The following COG5 variants were observed in gnomAD, a reference collection of about 807,000 sequenced individuals.
COG5 encodes component of oligomeric golgi complex 5, also known as conserved oligomeric Golgi complex subunit 5.
COG5 carries 86 observed loss-of-function variants against 110.4 expected under a neutral mutation model. That is an observed-to-expected ratio of 0.78 (90% CI 0.65 to 0.93). COG5 has a LOEUF of 0.93. COG5 is among the 40% of genes least tolerant of loss of function. COG5 has a pLI of 0.00. For synonymous variants in COG5, 360 were observed against 334.6 expected, an observed-to-expected ratio of 1.08 and a Z score of -0.83; for missense variants, 1,077 against 987.0, an observed-to-expected ratio of 1.09 and a Z score of -1.22.
chr7:107,325,463 C>A (rs1420635898), intron 10 of COG5, among the ~76,000 whole-genome samples: 2 of 152,148 alleles, frequency 1.3e-5, no homozygotes, highest in Non-Finnish European at 2.9e-5. Flanking sequence ...CCAGCCTTGC[C>A]AACATGGTGA....
chr7:107,325,346 T>C (rs1271798821), intron 10 of COG5, among the ~76,000 whole-genome samples: 1 of 152,160 alleles, frequency 6.6e-6, no homozygotes, highest in Non-Finnish European at 1.5e-5. Context: ...GCCAACTTCA[T>C]ATGGTTCAAA....
At chr7:107,375,919 T>C (rs1814601629) in intron 7 of COG5, among the ~76,000 whole-genome samples, 1 of 152,016 alleles carries the variant, frequency 6.6e-6, no homozygotes, top group Admixed American at 6.5e-5. Context: ...CTTTCATTCA[T>C]AAAGTTATCC....
intron 17 of COG5, among the ~76,000 whole-genome samples, chr7:107,246,614 G>A (rs1802079402): frequency 6.6e-6 from 1 of 152,050 alleles, no homozygotes; most frequent in African/African-American, 2.4e-5. Flanking sequence ...GCAATCACAT[G>A]AAAAAATGCT....
At chr7:107,442,092 A>G (rs1418892988) in intron 6 of COG5, among the ~76,000 whole-genome samples, 1 of 152,104 alleles carries the variant, frequency 6.6e-6, no homozygotes, top group South Asian at 2.1e-4. Flanking sequence ...GTCATCTTCA[A>G]TGTTGGAGGA....
At position 107,504,798 on chromosome 7, in the gene COG5, T is replaced by C. The variant is rs544988327; in HGVS notation, c.538+22439A>G. Among the ~76,000 whole-genome samples the C allele has an allele frequency of 3.3e-5, 5 of 152,342 alleles. No individual in the cohort carries two copies. In the South Asian group the frequency reaches 6.2e-4, roughly 19 times the overall value. On this transcript the variant is annotated intron_variant, in intron 6 of 21. Transcript: ENST00000297135. ...TAGTTGATATGCATAGGGGTGTTAA[T>C]AGTAGTCTCAAATGATCTATTGCGT...
intron 11 of COG5, among the ~76,000 whole-genome samples, chr7:107,310,161 C>A (rs1247284203): frequency 6.6e-6 from 1 of 152,140 alleles, no homozygotes; most frequent in South Asian, 2.1e-4. Flanking sequence ...TAGTTAATAT[C>A]ATGTGATTAA....
intron 6 of COG5, among the ~76,000 whole-genome samples, chr7:107,415,766 G>GTA (rs757898111): frequency 1.4e-5 from 2 of 142,796 alleles, no homozygotes; most frequent in Admixed American, 7.0e-5. Context: ...ATGTATGTGT[G>GTA]TATATATACA....
intron 7 of COG5, among the ~76,000 whole-genome samples, chr7:107,376,592 T>C (rs1340714038): frequency 3.3e-5 from 5 of 152,050 alleles, no homozygotes; most frequent in South Asian, 2.1e-4. Context: ...TTTCTAACTA[T>C]ATAACCATGG....
chr7:107,391,818 C>T lies in COG5; in HGVS notation c.670-19058G>A, dbSNP rs376542052. 1.4e-4 allele frequency among the ~76,000 whole-genome samples: 22 copies of T among 152,142 alleles called. No individual in the cohort carries two copies. In the South Asian group the frequency reaches 3.3e-3, roughly 23 times the overall value. On this transcript the variant is annotated intron_variant, in intron 7 of 21. Transcript: ENST00000297135. ...ATTAATAAACCTTATTGGTCAGGTGCGTGTGGCTCAAGCCTGTAATCGTAG... is the reference window on the plus strand; with the variant it reads ...ATTAATAAACCTTATTGGTCAGGTGTGTGTGGCTCAAGCCTGTAATCGTAG...
intron 6 of COG5, among the ~76,000 whole-genome samples, chr7:107,515,345 G>A (rs1401908828): frequency 6.6e-6 from 1 of 152,020 alleles, no homozygotes; most frequent in Non-Finnish European, 1.5e-5. Context: ...ATAAAACGAA[G>A]AGATTGATTC....
At chr7:107,243,929 T>C (rs1801851279) in intron 17 of COG5, among the ~76,000 whole-genome samples, 1 of 152,040 alleles carries the variant, frequency 6.6e-6, no homozygotes, top group Admixed American at 6.6e-5. Flanking sequence ...TTTGGGTAAA[T>C]ACATGAAATT....
At chr7:107,472,096 T>C (rs958803455) in intron 6 of COG5, 6 of 152,046 alleles carry the variant, frequency 3.9e-5, no homozygotes, top group Non-Finnish European at 8.8e-5. Flanking sequence ...ATGTACTCCA[T>C]CAAAGGGAAA....
At chr7:107,390,274 T>C (rs1790523547) in intron 7 of COG5, among the ~76,000 whole-genome samples, 1 of 152,118 alleles carries the variant, frequency 6.6e-6, no homozygotes, top group African/African-American at 2.4e-5. Context: ...GTGGCATCTA[T>C]TACTGAATCA....
chr7:107,383,406 C>A lies in COG5; in HGVS notation c.670-10646G>T, dbSNP rs561435407. 2.0e-5 allele frequency among the ~76,000 whole-genome samples: 3 copies of A among 152,278 alleles called. No homozygotes were observed. In the East Asian group the frequency reaches 5.8e-4, roughly 29 times the overall value. On this transcript the variant is annotated intron_variant, in intron 7 of 21. Coordinates refer to ENST00000297135, the MANE Select transcript of COG5 (RefSeq NM_006348.5). ...GCGTGGCTCATTCCTGACAAGCCAACCCCAACCTTCCTGTTTCATGGATAA... is the reference window on the plus strand; with the variant it reads ...GCGTGGCTCATTCCTGACAAGCCAAACCCAACCTTCCTGTTTCATGGATAA...
At chr7:107,413,703 C>T (rs1167695590) in intron 6 of COG5, among the ~76,000 whole-genome samples, 1 of 152,160 alleles carries the variant, frequency 6.6e-6, no homozygotes, top group Non-Finnish European at 1.5e-5. Context: ...CTTTGTCAAG[C>T]ACATCTAGAG....
chr7:107,538,432 C>A lies in COG5; in HGVS notation c.417+9679G>T, dbSNP rs116232654. Among the ~76,000 whole-genome samples, 673 of 152,194 alleles carry A rather than the reference C, an allele frequency of 4.4e-3. 8 individuals are homozygous for A. The highest frequency in any genetic ancestry group is 0.015 in the African/African-American group (636 of 41,536). ...AAGCAGCAACCCAGTTCTCCAGGAC[C>A]CCTCTCTGCAGCAGAGAGAGCTCTT... On this transcript the variant is annotated intron_variant, in intron 5 of 21. Coordinates refer to ENST00000297135, the MANE Select transcript of COG5 (RefSeq NM_006348.5).
At chr7:107,301,323 GC>G (rs1807251412) in intron 11 of COG5, among the ~76,000 whole-genome samples, 1 of 151,840 alleles carries the variant, frequency 6.6e-6, no homozygotes, top group Non-Finnish European at 1.5e-5. Flanking sequence ...GAAAATACAC[GC>G]CCCAGAAAGG....
intron 6 of COG5, among the ~76,000 whole-genome samples, chr7:107,430,539 C>T (rs1793953898): frequency 6.6e-6 from 1 of 152,132 alleles, no homozygotes; most frequent in Admixed American, 6.5e-5. Context: ...CAGCTGTGTT[C>T]TTTCTCAAGT....
rs113368536 is a variant in COG5, at chr7:107,243,370, G to A, written c.1853+5026C>T. On this transcript the variant is annotated intron_variant, in intron 17 of 21. Coordinates refer to ENST00000297135, the MANE Select transcript of COG5 (RefSeq NM_006348.5). ...CTACTAAACATACAAAAAATTAGCC[G>A]GGTGCGGTGGCGGGTGCCTGTAGTC... 7.9e-5 allele frequency among the ~76,000 whole-genome samples: 12 copies of A among 152,004 alleles called. 3 individuals carry two copies. Among genetic ancestry groups the A allele is most frequent in the African/African-American group, 2.7e-4 (11 of 41,480 alleles).
Sources: gnomAD v4.1 joint callset for allele counts (sites outside exome capture counted in the v4.1 genomes callset) on GRCh38, gnomAD v4.1.1 for gene constraint, MANE v1.5 for transcripts, NCBI Gene and HGNC (gene_info 2026-07-23, HGNC 2026-07-21) for gene names.